ELAVL2: variants seen among roughly 807,000 people sequenced by gnomAD.
ELAVL2 encodes the protein ELAV-like protein 2.
A neutral mutation model predicts 34.6 loss-of-function variants in ELAVL2; 4 were observed. The ratio of observed to expected loss-of-function variants is 0.12; its 90% CI spans 0.06 to 0.26. The LOEUF (loss-of-function observed/expected upper bound fraction) is 0.26. Among genes scored for constraint, ELAVL2 ranks in the 10% least tolerant of loss-of-function variants. The pLI is 1.00. For synonymous variants in ELAVL2, 193 were observed against 154.8 expected, an observed-to-expected ratio of 1.25 and a Z score of -1.83; for missense variants, 432 against 442.8, an observed-to-expected ratio of 0.98 and a Z score of 0.22.
intron 2 of ELAVL2, among the ~76,000 whole-genome samples, chr9:23,746,613 C>T (rs572909876): frequency 1.2e-4 from 18 of 152,020 alleles, no homozygotes; most frequent in Non-Finnish European, 2.5e-4. Context: ...GACTTTACTT[C>T]GGTTCCTTAC....
the ELAVL2 span, among the ~76,000 whole-genome samples, chr9:23,840,265 G>A: frequency 6.6e-6 from 1 of 152,204 alleles, no homozygotes; most frequent in Admixed American, 6.5e-5. Flanking sequence ...ACTGGATAAA[G>A]GAAAGCCCAG....
intron 2 of ELAVL2, among the ~76,000 whole-genome samples, chr9:23,732,739 T>C (rs1198833861): frequency 6.6e-6 from 1 of 152,140 alleles, no homozygotes; most frequent in African/African-American, 2.4e-5. Context: ...GTTTACTGGC[T>C]CGCAGTTAGC....
At position 23,692,444 on chromosome 9, in the gene ELAVL2, T is replaced by C; in HGVS notation, c.*113A>G. ...TTTCTTAGGATGCTAAGTAGTCATTTTATCCCCATCTCAACACTGACTTAC... is the reference window on the plus strand; with the variant it reads ...TTTCTTAGGATGCTAAGTAGTCATTCTATCCCCATCTCAACACTGACTTAC... On this transcript the variant is annotated 3_prime_UTR_variant, in exon 7 of 7. Transcript: ENST00000397312. The C allele has an allele frequency of 9.0e-7, 1 of 1,111,086 alleles. No homozygotes were observed. The allele number at this position is 1,111,086 out of a possible 1,614,324, so 68.8% of individuals were successfully genotyped here.
At chr9:23,782,331 G>T (rs1458035347) in intron 1 of ELAVL2, among the ~76,000 whole-genome samples, 1 of 151,894 alleles carries the variant, frequency 6.6e-6, no homozygotes. Context: ...TCAAAAACAT[G>T]CAAGACCAGC....
chr9:23,722,763 G>C (rs1053014952), intron 3 of ELAVL2, among the ~76,000 whole-genome samples: 2 of 152,176 alleles, frequency 1.3e-5, no homozygotes, highest in African/African-American at 4.8e-5. Flanking sequence ...TCATCAAAGG[G>C]ATTAAGTATT....
chr9:23,807,626 G>A (rs890410630), intron 1 of ELAVL2, among the ~76,000 whole-genome samples: 1 of 152,016 alleles, frequency 6.6e-6, no homozygotes, highest in Admixed American at 6.6e-5. Context: ...ACACAATATG[G>A]TAAAGCAATG....
chr9:23,749,419 T>C (rs1217948484), intron 2 of ELAVL2, among the ~76,000 whole-genome samples: 1 of 152,156 alleles, frequency 6.6e-6, no homozygotes, highest in Non-Finnish European at 1.5e-5. Flanking sequence ...CAGTTATTTG[T>C]TAATTAGCAT....
chr9:23,731,870 G>A lies in ELAVL2; in HGVS notation c.230-745C>T, dbSNP rs180779040. Among the ~76,000 whole-genome samples, 4 of 152,186 alleles carry A rather than the reference G, an allele frequency of 2.6e-5. No individual in the cohort carries two copies. In the East Asian group the frequency reaches 7.7e-4, roughly 29 times the overall value. On this transcript the variant is annotated intron_variant, in intron 2 of 6. Coordinates refer to ENST00000397312, the MANE Select transcript of ELAVL2 (RefSeq NM_004432.5). ...TAAAAGTTGCTTCTAAGTGTTTGTT[G>A]TTGTTGCCACCCTCCCCCCATCATC...
upstream of ELAVL2, among the ~76,000 whole-genome samples, chr9:23,827,864 G>A (rs2065374381): frequency 6.6e-6 from 1 of 152,088 alleles, no homozygotes; most frequent in South Asian, 2.1e-4. Flanking sequence ...AACAATATAC[G>A]AGTTCTGTTA....
chr9:23,762,056 C>A lies in ELAVL2; in HGVS notation c.179G>T (p.Gly60Val). The A allele has an allele frequency of 6.2e-7, 1 of 1,613,294 alleles. No individual in the cohort carries two copies. The highest frequency in any genetic ancestry group is 1.3e-5 in the African/African-American group (1 of 74,966). ...ACAGGACTCTATTTCACCAATGCTC[C>A]CAAAGAGACTCTTTAGTTCCTCCTG... is the stretch of plus-strand genomic sequence containing the variant. ...MTQEELKSLF[G>V]SIGEIESCKL... Residue 60 changes from glycine to valine, a missense_variant, in exon 2 of 7, where the codon GGG becomes GTG. Physicochemically the swap from Gly to Val is moderately radical, Grantham distance 109 (BLOSUM62 -3). Transcript: ENST00000397312.
In ELAVL2 at chr9:23,699,350, T is replaced by A. The variant is rs116471820; in HGVS notation, c.713+2029A>T. Among the ~76,000 whole-genome samples, 444 of 152,304 alleles carry A rather than the reference T, an allele frequency of 2.9e-3. 1 individual carries two copies. The highest frequency in any genetic ancestry group is 0.01 in the African/African-American group (424 of 41,568). Reference sequence around the variant, plus strand: ...CTGTCTTCTCAATCTTCCTAAGAATTCAATCTTGATTCCAAGAACTTTGTT... The same window carrying A: ...CTGTCTTCTCAATCTTCCTAAGAATACAATCTTGATTCCAAGAACTTTGTT... On this transcript the variant is annotated intron_variant, in intron 5 of 6. Coordinates refer to ENST00000397312, the MANE Select transcript of ELAVL2 (RefSeq NM_004432.5).
intron 3 of ELAVL2, among the ~76,000 whole-genome samples, chr9:23,730,106 A>G (rs1300773476): frequency 1.3e-5 from 2 of 152,132 alleles, no homozygotes; most frequent in Non-Finnish European, 2.9e-5. Context: ...AAAGAGTGCC[A>G]TGATTGACTG....
At chr9:23,786,174 C>T (rs1171247628) in intron 1 of ELAVL2, among the ~76,000 whole-genome samples, 3 of 152,120 alleles carry the variant, frequency 2.0e-5, no homozygotes, top group Non-Finnish European at 4.4e-5. Context: ...AAGCCCACAT[C>T]GTGTGCACTA....
intron 1 of ELAVL2, among the ~76,000 whole-genome samples, chr9:23,810,107 A>G (rs1166349599): frequency 6.6e-6 from 1 of 152,096 alleles, no homozygotes; most frequent in Non-Finnish European, 1.5e-5. Context: ...GGGTTATCTC[A>G]ATGTCACTTT....
rs185638414 is a variant in ELAVL2 at position 23,759,466 on chromosome 9, A to G, written c.229+2540T>C. On this transcript the variant is annotated intron_variant, in intron 2 of 6. Coordinates refer to ENST00000397312, the MANE Select transcript of ELAVL2 (RefSeq NM_004432.5). ...GAGTACAGGGTCACTGTTAAAAGAA[A>G]TAAGTTCTGGTGTGCTATTCCACAG... Among the ~76,000 whole-genome samples, 22 of 151,914 alleles carry G rather than the reference A, an allele frequency of 1.4e-4. No individual in the cohort carries two copies. In the East Asian group the frequency reaches 4.1e-3, roughly 28 times the overall value.
At chr9:23,730,309 T>C (rs1233149924) in intron 3 of ELAVL2, among the ~76,000 whole-genome samples, 1 of 152,120 alleles carries the variant, frequency 6.6e-6, no homozygotes, top group East Asian at 1.9e-4. Context: ...ACAAAGTTAT[T>C]TACTGTACGT....
chr9:23,817,046 TA>T (rs936574753), intron 1 of ELAVL2, among the ~76,000 whole-genome samples: 63 of 145,792 alleles, frequency 4.3e-4, no homozygotes, highest in African/African-American at 8.5e-4. Flanking sequence ...CACTGTGTCT[TA>T]AAAAAAAAAA....
chr9:23,841,225 G>A, the ELAVL2 span, among the ~76,000 whole-genome samples: 3 of 152,098 alleles, frequency 2.0e-5, no homozygotes, highest in Non-Finnish European at 4.4e-5. Context: ...ATCAAGAGAA[G>A]ATGATGAGGA....
At chr9:23,830,599 C>A (rs1588891002), upstream of ELAVL2, among the ~76,000 whole-genome samples, 1 of 127,118 alleles carries the variant, frequency 7.9e-6, no homozygotes, top group African/African-American at 2.8e-5. Context: ...CAGCCCCCCA[C>A]TTACACACAC....
Sources: allele counts gnomAD v4.1 joint callset (sites outside exome capture counted in the v4.1 genomes callset), GRCh38; gene constraint gnomAD v4.1.1; transcripts MANE v1.5; gene names NCBI Gene and HGNC (gene_info 2026-07-23, HGNC 2026-07-21).